Variants in PSD3 observed in about 807,000 individuals in gnomAD.
PSD3 encodes PH and SEC7 domain-containing protein 3.
In PSD3, 49 loss-of-function variants were observed where a neutral mutation model predicts 105.5. That is an observed-to-expected ratio of 0.46 (90% CI 0.37 to 0.59). The LOEUF (loss-of-function observed/expected upper bound fraction) is 0.59. PSD3 is among the 20% of genes least tolerant of loss of function. PSD3 has a pLI of 0.00. For synonymous variants in PSD3, 557 were observed against 457.8 expected, an observed-to-expected ratio of 1.22 and a Z score of -2.77; for missense variants, 1,561 against 1,263.8, an observed-to-expected ratio of 1.24 and a Z score of -3.57.
intron 14 of PSD3, among the ~76,000 whole-genome samples, chr8:18,559,297 A>G (rs1801255046): frequency 6.6e-6 from 1 of 152,176 alleles, no homozygotes; most frequent in South Asian, 2.1e-4. Context: ...ATACTTGTAA[A>G]TTGTTGCTAA....
intron 4 of PSD3, among the ~76,000 whole-genome samples, chr8:18,832,639 T>A (rs764610734): frequency 2.4e-4 from 36 of 152,162 alleles, no homozygotes; most frequent in Non-Finnish European, 1.8e-4. Context: ...CTCACAGCGC[T>A]AATAAAGACA....
At chr8:18,593,922 A>C (rs1206729506) in intron 12 of PSD3, among the ~76,000 whole-genome samples, 1 of 130,662 alleles carries the variant, frequency 7.7e-6, no homozygotes. Context: ...GGAATTGAAC[A>C]ATGAGAACAC....
At chr8:18,902,011 A>C (rs1172353944) in intron 2 of PSD3, among the ~76,000 whole-genome samples, 1 of 152,234 alleles carries the variant, frequency 6.6e-6, no homozygotes, top group Non-Finnish European at 1.5e-5. Flanking sequence ...CTCAGGCAAA[A>C]AAGAAAAAAG....
At chr8:18,719,326 T>G (rs1425680496) in intron 9 of PSD3, among the ~76,000 whole-genome samples, 1 of 152,228 alleles carries the variant, frequency 6.6e-6, no homozygotes, top group Non-Finnish European at 1.5e-5. Flanking sequence ...AAACTGAGTT[T>G]ATGGCTTGTA....
intron 11 of PSD3, among the ~76,000 whole-genome samples, chr8:18,619,711 A>T (rs1031117797): frequency 6.6e-6 from 1 of 152,132 alleles, no homozygotes; most frequent in Non-Finnish European, 1.5e-5. Context: ...CCCTAACCAT[A>T]AAATTTCACT....
intron 9 of PSD3, among the ~76,000 whole-genome samples, chr8:18,750,948 C>T (rs888434017): frequency 1.3e-5 from 2 of 152,166 alleles, no homozygotes; most frequent in African/African-American, 4.8e-5. Flanking sequence ...CTCTCCACCT[C>T]CCCACCAGAC....
intron 11 of PSD3, among the ~76,000 whole-genome samples, chr8:18,610,399 G>A (rs988135978): frequency 1.3e-5 from 2 of 152,124 alleles, no homozygotes; most frequent in Admixed American, 1.3e-4. Context: ...AATAAGGTAC[G>A]TGCTGAGCTG....
intron 10 of PSD3, among the ~76,000 whole-genome samples, chr8:18,646,813 G>A (rs928144987): frequency 3.9e-5 from 6 of 152,100 alleles, no homozygotes; most frequent in Non-Finnish European, 5.9e-5. Flanking sequence ...GCTGAGTTAA[G>A]TAAAATATGA....
chr8:18,677,672 A>C (rs553652240), intron 9 of PSD3, among the ~76,000 whole-genome samples: 191 of 152,356 alleles, frequency 1.3e-3, no homozygotes, highest in African/African-American at 4.4e-3. Flanking sequence ...TGAAGAAGTC[A>C]GGTCTCTTTT....
At chr8:18,887,732 T>A (rs1035319086) in intron 2 of PSD3, among the ~76,000 whole-genome samples, 19 of 152,224 alleles carry the variant, frequency 1.2e-4, no homozygotes, top group Non-Finnish European at 2.2e-4. Context: ...CACTTCACAG[T>A]TGCTTTTATT....
chr8:18,568,791 G>A (rs1450481629), intron 14 of PSD3, among the ~76,000 whole-genome samples: 1 of 151,806 alleles, frequency 6.6e-6, no homozygotes, highest in African/African-American at 2.4e-5. Flanking sequence ...GTGCCATGCT[G>A]GTGCGCTGCA....
At chr8:18,809,108 T>C (rs1811464911) in intron 4 of PSD3, among the ~76,000 whole-genome samples, 1 of 152,202 alleles carries the variant, frequency 6.6e-6, no homozygotes, top group African/African-American at 2.4e-5. Flanking sequence ...AACACCCCAT[T>C]TTGTTTTCTT....
intron 11 of PSD3, among the ~76,000 whole-genome samples, chr8:18,602,232 G>C (rs1377011015): frequency 6.6e-6 from 1 of 152,032 alleles, no homozygotes; most frequent in Admixed American, 6.5e-5. Context: ...TTTCGCAGTA[G>C]ATCAATTAAT....
chr8:19,041,077 T>TA (rs1828109452), intron 1 of PSD3, among the ~76,000 whole-genome samples: 1 of 151,948 alleles, frequency 6.6e-6, no homozygotes, highest in South Asian at 2.1e-4. Context: ...ATGTGTTTTT[T>TA]ATAGAGACAT....
chr8:18,605,289 G>C (rs1804738122), intron 11 of PSD3, among the ~76,000 whole-genome samples: 1 of 152,032 alleles, frequency 6.6e-6, no homozygotes, highest in African/African-American at 2.4e-5. Flanking sequence ...CTGGATGTTA[G>C]ACATGGAGCC....
intron 11 of PSD3, among the ~76,000 whole-genome samples, chr8:18,615,132 A>G (rs890065490): frequency 6.6e-6 from 1 of 151,930 alleles, no homozygotes; most frequent in African/African-American, 2.4e-5. Context: ...TTCCTCGTAA[A>G]GCAACCTTTT....
At chr8:18,786,399 C>T (rs946949340) in intron 8 of PSD3, among the ~76,000 whole-genome samples, 7 of 152,102 alleles carry the variant, frequency 4.6e-5, no homozygotes, top group Non-Finnish European at 7.4e-5. Flanking sequence ...CATTTTAAAA[C>T]AGTAAAGTCT....
intron 2 of PSD3, among the ~76,000 whole-genome samples, chr8:18,925,900 T>A (rs980914550): frequency 6.6e-6 from 1 of 152,194 alleles, no homozygotes; most frequent in Non-Finnish European, 1.5e-5. Flanking sequence ...TGAATTCTTA[T>A]CTTTTTAAAA....
chr8:18,552,590 G>C (rs970764003), intron 15 of PSD3, among the ~76,000 whole-genome samples: 1 of 152,104 alleles, frequency 6.6e-6, no homozygotes, highest in East Asian at 1.9e-4. Context: ...CCCAGAACTT[G>C]ATCTGTTTCC....
Sources: gnomAD v4.1 joint callset for allele counts (sites outside exome capture counted in the v4.1 genomes callset) on GRCh38, gnomAD v4.1.1 for gene constraint, MANE v1.5 for transcripts, NCBI Gene and HGNC (gene_info 2026-07-23, HGNC 2026-07-21) for gene names.